The following GLIS1 variants were observed in gnomAD, a reference collection of about 807,000 sequenced individuals.
GLIS1 encodes zinc finger protein GLIS1.
In GLIS1, 24 loss-of-function variants were observed where a neutral mutation model predicts 63.8. That is an observed-to-expected ratio of 0.38 (90% confidence interval 0.27 to 0.53). GLIS1 has a LOEUF of 0.53. Among genes scored for constraint, GLIS1 ranks in the 20% least tolerant of loss-of-function variants. GLIS1 has a pLI of 0.85. For synonymous variants in GLIS1, 450 were observed against 482.5 expected (o/e 0.93, Z 0.88); for missense variants, 1,036 against 1,074.1 (o/e 0.96, Z 0.50).
At chr1:53,588,790 C>T (rs757478378) in intron 4 of GLIS1, among the ~76,000 whole-genome samples, 4 of 152,168 alleles carry the variant, frequency 2.6e-5, no homozygotes, top group East Asian at 1.9e-4. Flanking sequence ...GAGTAGAAGG[C>T]GGTGTGTCCC....
intron 6 of GLIS1, among the ~76,000 whole-genome samples, chr1:53,522,187 AG>A (rs1644417177): frequency 1.3e-5 from 2 of 152,286 alleles, no homozygotes; most frequent in South Asian, 4.1e-4. Context: ...AGGAGAATTA[AG>A]GAAGAAAAGC....
At chr1:53,707,158 G>A (rs1346434485) in intron 2 of GLIS1, among the ~76,000 whole-genome samples, 2 of 152,192 alleles carry the variant, frequency 1.3e-5, no homozygotes, top group African/African-American at 2.4e-5. Context: ...TTCCCAGGCT[G>A]TTTTGAAGCC....
At chr1:53,605,828 C>G (rs1400564575) in intron 2 of GLIS1, among the ~76,000 whole-genome samples, 1 of 152,208 alleles carries the variant, frequency 6.6e-6, no homozygotes, top group African/African-American at 2.4e-5. Flanking sequence ...CCTCTCATTC[C>G]CTCATTCCCA....
intron 2 of GLIS1, among the ~76,000 whole-genome samples, chr1:53,644,019 C>A (rs1298097747): frequency 1.3e-5 from 2 of 152,132 alleles, no homozygotes; most frequent in African/African-American, 4.8e-5. Context: ...ATGTTCCAGG[C>A]CAAGTTGTTT....
At chr1:53,730,129 C>T (rs902593330) in intron 2 of GLIS1, among the ~76,000 whole-genome samples, 1 of 152,080 alleles carries the variant, frequency 6.6e-6, no homozygotes, top group Non-Finnish European at 1.5e-5. Context: ...AGTGACTCCG[C>T]GGAGGCCTAT....
chr1:53,527,327 T>G (rs1268205572), intron 5 of GLIS1, among the ~76,000 whole-genome samples: 1 of 152,168 alleles, frequency 6.6e-6, no homozygotes, highest in Non-Finnish European at 1.5e-5. Flanking sequence ...CACTCAGGAC[T>G]CGAGCCCCAC....
chr1:53,720,511 A>G (rs4926613), intron 2 of GLIS1, among the ~76,000 whole-genome samples: 84 of 152,286 alleles, frequency 5.5e-4, no homozygotes, highest in Middle Eastern at 6.8e-3. Context: ...GAGGGAAGGA[A>G]AAAAAGAAGA....
intron 2 of GLIS1, among the ~76,000 whole-genome samples, chr1:53,625,343 C>A (rs1039790070): frequency 2.6e-5 from 4 of 152,124 alleles, no homozygotes; most frequent in African/African-American, 7.2e-5. Flanking sequence ...TTGAGTATTG[C>A]GGATCTGGGA....
chr1:53,609,809 T>G (rs1645408214), intron 2 of GLIS1, among the ~76,000 whole-genome samples: 1 of 152,166 alleles, frequency 6.6e-6, no homozygotes, highest in South Asian at 2.1e-4. Flanking sequence ...CAAACCTAGG[T>G]GGTATAGGCT....
intron 2 of GLIS1, among the ~76,000 whole-genome samples, chr1:53,604,426 A>T (rs145489717): frequency 6.6e-6 from 1 of 152,244 alleles, no homozygotes; most frequent in East Asian, 1.9e-4. Context: ...ATATAAGGTG[A>T]CTCCCCACAA....
At chr1:53,645,743 AAC>A (rs1229026696) in intron 2 of GLIS1, among the ~76,000 whole-genome samples, 1 of 152,248 alleles carries the variant, frequency 6.6e-6, no homozygotes, top group African/African-American at 2.4e-5. Context: ...CTCAAGAGGA[AAC>A]ACTGGTGCTC....
chr1:53,544,856 G>A (rs1203950942), intron 4 of GLIS1, among the ~76,000 whole-genome samples: 1 of 152,192 alleles, frequency 6.6e-6, no homozygotes, highest in African/African-American at 2.4e-5. Context: ...TAGCCCAGGG[G>A]TAAATGCAAA....
chr1:53,731,188 G>A (rs1045094369), intron 2 of GLIS1, among the ~76,000 whole-genome samples: 14 of 152,134 alleles, frequency 9.2e-5, no homozygotes, highest in South Asian at 2.1e-4. Flanking sequence ...TCTGAGAAGC[G>A]GTCCCTCCTA....
chr1:53,534,896 G>T (rs925031467), intron 4 of GLIS1, among the ~76,000 whole-genome samples: 1 of 151,916 alleles, frequency 6.6e-6, no homozygotes, highest in Non-Finnish European at 1.5e-5. Context: ...GGGCTGACCC[G>T]GGGGCTTCTG....
In GLIS1 at chr1:53,733,489, G is replaced by A. The variant is rs538128890; in HGVS notation, c.259+4317C>T. Reference sequence around the variant, plus strand: ...AACAACTAAGCCTAAATTAAATTACGATCTCACGTGATGGTCCCCTTGCCA... The same window carrying A: ...AACAACTAAGCCTAAATTAAATTACAATCTCACGTGATGGTCCCCTTGCCA... On this transcript the variant is annotated intron_variant, in intron 2 of 10. Coordinates refer to ENST00000628545, the MANE Select transcript of GLIS1 (RefSeq NM_001367484.1). Among the ~76,000 whole-genome samples the A allele has an allele frequency of 3.3e-5, 5 of 152,150 alleles. No homozygotes were observed. In the South Asian group the frequency reaches 1.0e-3, roughly 32 times the overall value.
chr1:53,512,797 C>T lies in GLIS1; in HGVS notation c.1883+1828G>A, dbSNP rs569700386. Among the ~76,000 whole-genome samples, 11 of 151,942 alleles carry T rather than the reference C, an allele frequency of 7.2e-5. No individual in the cohort carries two copies. The East Asian group carries it at 7.8e-4, about 11-fold the overall frequency. ...GATGAATGAGGCGGAGCAGAGTGCA[C>T]GGGCCCAAGCAGCGAACGGCCTTCG... On this transcript the variant is annotated intron_variant, in intron 8 of 10. Coordinates refer to ENST00000628545, the MANE Select transcript of GLIS1 (RefSeq NM_001367484.1).
intron 2 of GLIS1, among the ~76,000 whole-genome samples, chr1:53,632,036 AAGAG>A (rs759227407): frequency 3.2e-4 from 47 of 146,040 alleles, no homozygotes; most frequent in Middle Eastern, 3.8e-3. Context: ...CCGGGGGAGT[AAGAG>A]AGAGGTGTGT....
chr1:53,706,102 C>T (rs1159347174), intron 2 of GLIS1, among the ~76,000 whole-genome samples: 1 of 152,120 alleles, frequency 6.6e-6, no homozygotes, highest in Admixed American at 6.5e-5. Flanking sequence ...CTGGGGCACA[C>T]CTAAGAGATC....
intron 4 of GLIS1, among the ~76,000 whole-genome samples, chr1:53,592,152 C>CAG (rs1183382738): frequency 6.6e-6 from 1 of 152,164 alleles, no homozygotes; most frequent in Non-Finnish European, 1.5e-5. Context: ...AGCCTGGCCG[C>CAG]AGAGAGAGAG....
Sources: allele counts gnomAD v4.1 joint callset (sites outside exome capture counted in the v4.1 genomes callset), GRCh38; gene constraint gnomAD v4.1.1; transcripts MANE v1.5; gene names NCBI Gene and HGNC (gene_info 2026-07-23, HGNC 2026-07-21).